TCF12: variants seen among roughly 807,000 people sequenced by gnomAD.
TCF12 encodes the protein DNA-binding protein HTF4.
Under a neutral mutation model 86.0 loss-of-function variants are expected in TCF12, and 45 were observed. The observed-to-expected ratio is 0.52, with a 90% CI of 0.41 to 0.67. The LOEUF (loss-of-function observed/expected upper bound fraction) is 0.67. Among genes scored for constraint, TCF12 ranks in the 30% least tolerant of loss-of-function variants. The probability of loss-of-function intolerance (pLI) is 0.00; values close to 1 mark genes in which losing one functional copy is unlikely to be tolerated. For missense variants in TCF12, 881 were observed against 859.9 expected (o/e 1.02, Z -0.31); for synonymous variants, 330 against 299.6 (o/e 1.10, Z -1.05).
chr15:57,253,929 G>C (rs2060229960), intron 16 of TCF12, among the ~76,000 whole-genome samples: 1 of 152,110 alleles, frequency 6.6e-6, no homozygotes, highest in African/African-American at 2.4e-5. Flanking sequence ...TGTAATTTCA[G>C]TAATAAATAA....
At chr15:57,067,487 C>CT (rs1463909414) in intron 4 of TCF12, among the ~76,000 whole-genome samples, 11 of 12,866 alleles carry the variant, frequency 8.5e-4, no homozygotes, top group Non-Finnish European at 5.3e-3. Context: ...TCGCAGTGAG[C>CT]CAGATCCCGC....
In TCF12 at chr15:57,286,541, A is replaced by G. The variant is rs1037785027; in HGVS notation, c.*396A>G. On this transcript the variant is annotated 3_prime_UTR_variant, in exon 21 of 21. Transcript: ENST00000333725. ...ATTGTTATGAAACTGTAAGGTCTACATATAAAGGGAAAAAGTTAATGTGGA... is the reference window on the plus strand; with the variant it reads ...ATTGTTATGAAACTGTAAGGTCTACGTATAAAGGGAAAAAGTTAATGTGGA... 2.3e-6 allele frequency: 1 copy of G among 437,006 alleles called. No individual in the cohort carries two copies. Among genetic ancestry groups the G allele is most frequent in the African/African-American group, 2.0e-5 (1 of 48,880 alleles). 27.1% of individuals were successfully genotyped at this position (437,006 alleles called of 1,614,324 possible).
At chr15:57,119,146 G>A (rs2051046137) in intron 5 of TCF12, among the ~76,000 whole-genome samples, 1 of 151,982 alleles carries the variant, frequency 6.6e-6, no homozygotes, top group Non-Finnish European at 1.5e-5. Context: ...AGGCTGGAGT[G>A]CAGTGGCACG....
chr15:56,928,520 C>T (rs1245625993), intron 3 of TCF12, among the ~76,000 whole-genome samples: 1 of 152,110 alleles, frequency 6.6e-6, no homozygotes, highest in African/African-American at 2.4e-5. Context: ...AGCAACAAGT[C>T]AGAGTTGCTT....
At chr15:57,007,487 A>G (rs1886383921) in intron 3 of TCF12, among the ~76,000 whole-genome samples, 1 of 152,222 alleles carries the variant, frequency 6.6e-6, no homozygotes, top group African/African-American at 2.4e-5. Context: ...AATGTTCTTC[A>G]CGTTGTTATA....
In TCF12 at chr15:57,286,892, T is replaced by C. The variant is rs1189717322; in HGVS notation, c.*747T>C. On this transcript the variant is annotated 3_prime_UTR_variant, in exon 21 of 21. Transcript: ENST00000333725. ...CCAGCCTCCTCCGTGCAGCCCTGTG[T>C]GCTTTGCACATTTACCTTACAGTGG... The C allele has an allele frequency of 9.5e-6, 3 of 314,660 alleles. No individual in the cohort carries two copies. The highest frequency in any genetic ancestry group is 5.4e-5 in the South Asian group (2 of 36,842). 19.5% of individuals were successfully genotyped at this position (314,660 alleles called of 1,614,324 possible). A position where few individuals can be genotyped will look rare whatever the true frequency, so the allele number is the denominator to read the frequency against.
At chr15:57,161,516 G>A (rs1186156795) in intron 5 of TCF12, among the ~76,000 whole-genome samples, 1 of 152,180 alleles carries the variant, frequency 6.6e-6, no homozygotes, top group Non-Finnish European at 1.5e-5. Flanking sequence ...TTGCACACAA[G>A]TTATGTGTCT....
At chr15:57,174,635 A>C (rs1395216675) in intron 6 of TCF12, among the ~76,000 whole-genome samples, 3 of 152,252 alleles carry the variant, frequency 2.0e-5, no homozygotes, top group African/African-American at 7.2e-5. Context: ...AATCCTAAGG[A>C]ATCATCAAGA....
At chr15:57,134,401 T>G (rs897700941) in intron 5 of TCF12, 2 of 152,220 alleles carry the variant, frequency 1.3e-5, no homozygotes, top group African/African-American at 4.8e-5. Context: ...TATTTGATAG[T>G]GTGTTTTCTC....
chr15:57,264,195 CTTTTTT>C (rs770642915), intron 18 of TCF12, among the ~76,000 whole-genome samples: 3 of 50,696 alleles, frequency 5.9e-5, no homozygotes, highest in African/African-American at 3.1e-4. Flanking sequence ...CTTTTGTAAG[CTTTTTT>C]TTTTTTTTTT....
intron 3 of TCF12, among the ~76,000 whole-genome samples, chr15:57,025,215 G>A (rs1233985903): frequency 6.6e-6 from 1 of 152,092 alleles, no homozygotes; most frequent in Admixed American, 6.6e-5. Context: ...TAGTAACTGG[G>A]ACTACAGGCG....
At chr15:57,124,844 A>G (rs1181982920) in intron 5 of TCF12, among the ~76,000 whole-genome samples, 9 of 148,470 alleles carry the variant, frequency 6.1e-5, no homozygotes, top group African/African-American at 2.2e-4. Flanking sequence ...TGCCCGGCTA[A>G]CTTTTTTTTT....
intron 5 of TCF12, among the ~76,000 whole-genome samples, chr15:57,159,197 T>C (rs1191083671): frequency 6.6e-6 from 1 of 152,218 alleles, no homozygotes; most frequent in Non-Finnish European, 1.5e-5. Flanking sequence ...AGTGGGGTCA[T>C]TGATGTTAAG....
At chr15:57,073,453 A>G (rs1321213962) in intron 4 of TCF12, among the ~76,000 whole-genome samples, 2 of 152,206 alleles carry the variant, frequency 1.3e-5, no homozygotes, top group African/African-American at 4.8e-5. Flanking sequence ...ATGAAATCAT[A>G]ACCAGCACTT....
At chr15:57,127,500 AT>A (rs1301341685) in intron 5 of TCF12, among the ~76,000 whole-genome samples, 2 of 151,932 alleles carry the variant, frequency 1.3e-5, no homozygotes, top group East Asian at 3.9e-4. Flanking sequence ...TATATAGAAA[AT>A]TTTTTCATCT....
At chr15:57,205,317 TAAAAAC>T (rs760607714) in intron 8 of TCF12, among the ~76,000 whole-genome samples, 5 of 151,828 alleles carry the variant, frequency 3.3e-5, no homozygotes, top group Non-Finnish European at 5.9e-5. Context: ...AAAATAAAAA[TAAAAAC>T]AAACAATTAT....
Position 57,277,993 on chromosome 15 carries a change from C to T in TCF12, c.1979-4452C>T, listed in dbSNP as rs117526354. On this transcript the variant is annotated intron_variant, in intron 19 of 20. Coordinates refer to ENST00000333725, the MANE Select transcript of TCF12 (RefSeq NM_207037.2). ...TGCAAATCCTTTAAAAATTTACCTT[C>T]CATATACATCCTTTTAAAAAATAGA... is the stretch of plus-strand genomic sequence containing the variant. Among the ~76,000 whole-genome samples, 348 of 152,070 alleles carry T rather than the reference C, an allele frequency of 2.3e-3. 1 individual carries two copies. The highest frequency in any genetic ancestry group is 6.3e-3 in the South Asian group (30 of 4,794).
rs569749426 is a variant in TCF12, at chr15:57,083,567, CTTTA to C, written c.223-8214_223-8211del. ...AATTTTCTAGTCTTCTTTCTATAAA[CTTTA>C]TTTATTTGTTTTTAATTTTTAAAAA... On this transcript the variant is annotated intron_variant, in intron 4 of 20. Coordinates refer to ENST00000333725, the MANE Select transcript of TCF12 (RefSeq NM_207037.2). Among the ~76,000 whole-genome samples, 412 of 151,930 alleles carry C rather than the reference CTTTA, an allele frequency of 2.7e-3. 2 individuals carry two copies. The highest frequency in any genetic ancestry group is 0.014 in the Middle Eastern group (4 of 294).
At chr15:57,044,223 C>T (rs745396134) in intron 3 of TCF12, among the ~76,000 whole-genome samples, 2 of 152,080 alleles carry the variant, frequency 1.3e-5, no homozygotes, top group Non-Finnish European at 2.9e-5. Flanking sequence ...AGCCACATGA[C>T]TCTAATATAA....
Sources: allele counts gnomAD v4.1 joint callset (sites outside exome capture counted in the v4.1 genomes callset), GRCh38; gene constraint gnomAD v4.1.1; transcripts MANE v1.5; gene names NCBI Gene and HGNC (gene_info 2026-07-23, HGNC 2026-07-21).